ZFTRAF1: variants seen among roughly 807,000 people sequenced by gnomAD.
ZFTRAF1 encodes zinc finger TRAF-type and ring finger containing 1, also known as zinc finger TRAF-type-containing protein 1.
At chr8:144,453,013 G>A in the ZFTRAF1 span, among the ~76,000 whole-genome samples, 2 of 152,242 alleles carry the variant, frequency 1.3e-5, no homozygotes, top group African/African-American at 2.4e-5. Flanking sequence ...CTAGGCTCAT[G>A]TCCGGATAAC....
Sources: gnomAD v4.1 joint callset for allele counts (sites outside exome capture counted in the v4.1 genomes callset) on GRCh38, gnomAD v4.1.1 for gene constraint, MANE v1.5 for transcripts, NCBI Gene and HGNC (gene_info 2026-07-23, HGNC 2026-07-21) for gene names.